SMPX: variants seen among roughly 807,000 people sequenced by gnomAD.
The protein encoded by SMPX is small muscular protein.
Under a neutral mutation model 6.3 loss-of-function variants are expected in SMPX, and 2 were observed. The ratio of observed to expected loss-of-function variants is 0.32; its 90% CI spans 0.13 to 0.99. The LOEUF (loss-of-function observed/expected upper bound fraction) is 0.99. Among genes scored for constraint, SMPX ranks in the 50% least tolerant of loss-of-function variants. The probability of loss-of-function intolerance (pLI) is 0.49; values close to 1 mark genes in which losing one functional copy is unlikely to be tolerated. For missense variants in SMPX, 60 were observed against 66.8 expected (o/e 0.90, Z 0.36); for synonymous variants, 32 against 24.7 (o/e 1.30, Z -0.88).
At chrX:21,725,789 A>G (rs1460152802) in intron 4 of SMPX, among the ~76,000 whole-genome samples, 1 of 112,329 alleles carries the variant, frequency 8.9e-6, no homozygotes, top group Non-Finnish European at 1.9e-5. Context: ...AAGTGCTTCA[A>G]TGAGCTCATA....
chrX:21,746,638 A>G (rs1485082237), intron 2 of SMPX, among the ~76,000 whole-genome samples: 1 of 96,156 alleles, frequency 1.0e-5, no homozygotes, highest in African/African-American at 3.6e-5. Context: ...GAAATCAGAA[A>G]AACTTAAATG....
At chrX:21,718,063 G>T (rs2092787243) in intron 4 of SMPX, among the ~76,000 whole-genome samples, 1 of 112,058 alleles carries the variant, frequency 8.9e-6, no homozygotes, top group Admixed American at 9.4e-5. Flanking sequence ...AGGATATGCA[G>T]CAGGGCAGTG....
intron 4 of SMPX, among the ~76,000 whole-genome samples, chrX:21,715,327 C>T (rs919787709): frequency 3.7e-5 from 4 of 109,288 alleles, no homozygotes; most frequent in African/African-American, 1.0e-4. Flanking sequence ...CGCGCTCGCG[C>T]GCTGGTGGGG....
chrX:21,743,875 T>A, intron 2 of SMPX, 39 bp from the exon 3 acceptor site: 1 of 1,002,083 alleles, frequency 1.0e-6, no homozygotes, highest in South Asian at 1.9e-5. Flanking sequence ...TCAAAAAAAG[T>A]AAGAAATTGC....
intron 2 of SMPX, among the ~76,000 whole-genome samples, chrX:21,746,278 CTGA>C (rs2092821305): frequency 8.9e-6 from 1 of 111,914 alleles, no homozygotes; most frequent in Admixed American, 9.5e-5. Flanking sequence ...CTTCATTTTA[CTGA>C]TGAAGAAATG....
chrX:21,722,703 A>G (rs1160467252), intron 4 of SMPX, among the ~76,000 whole-genome samples: 1 of 111,081 alleles, frequency 9.0e-6, no homozygotes. Context: ...TTTCACCGCC[A>G]TGGACCTGTC....
intron 4 of SMPX, among the ~76,000 whole-genome samples, chrX:21,730,241 T>C (rs1013423818): frequency 9.0e-5 from 10 of 111,449 alleles, no homozygotes; most frequent in African/African-American, 3.3e-4. Flanking sequence ...TAGTTCTATG[T>C]GAAACAATAA....
At chrX:21,711,933 G>A (rs368553831) in intron 4 of SMPX, among the ~76,000 whole-genome samples, 2 of 111,770 alleles carry the variant, frequency 1.8e-5, no homozygotes, top group African/African-American at 3.3e-5. Context: ...TAAGACAAAC[G>A]CCTGGCATTT....
intron 3 of SMPX, among the ~76,000 whole-genome samples, chrX:21,739,080 C>T (rs1451003929): frequency 9.0e-6 from 1 of 110,661 alleles, no homozygotes. Flanking sequence ...AGGGTGGGCC[C>T]TATGCCCTAT....
At chrX:21,727,462 G>T (rs1048541438) in intron 4 of SMPX, 2 of 111,936 alleles carry the variant, frequency 1.8e-5, no homozygotes, top group African/African-American at 6.5e-5. Flanking sequence ...CTATTACATC[G>T]GTGACAGGTG....
intron 4 of SMPX, among the ~76,000 whole-genome samples, chrX:21,729,622 T>A (rs2092801136): frequency 1.8e-5 from 2 of 111,654 alleles, no homozygotes; most frequent in African/African-American, 6.5e-5. Flanking sequence ...CCCATGGAGA[T>A]GTGTGTGCCA....
intron 4 of SMPX, among the ~76,000 whole-genome samples, chrX:21,731,508 TTA>T (rs1463215963): frequency 1.2e-5 from 1 of 81,205 alleles, no homozygotes; most frequent in Non-Finnish European, 2.4e-5. Context: ...CACATACACA[TTA>T]TGTGTGTATG....
intron 4 of SMPX, among the ~76,000 whole-genome samples, chrX:21,714,745 A>G (rs190491088): frequency 1.8e-3 from 206 of 112,563 alleles, no homozygotes; most frequent in African/African-American, 6.3e-3. Flanking sequence ...GTTTTCTTGA[A>G]CATTCCTTTG....
At chrX:21,735,226 G>A (rs1045973842) in intron 4 of SMPX, among the ~76,000 whole-genome samples, 13 of 111,836 alleles carry the variant, frequency 1.2e-4, no homozygotes, top group Admixed American at 4.8e-4. Flanking sequence ...CTGAAGTCTC[G>A]AAATTTCAAA....
intron 4 of SMPX, among the ~76,000 whole-genome samples, chrX:21,734,759 G>A (rs2092808785): frequency 9.0e-6 from 1 of 111,176 alleles, no homozygotes; most frequent in African/African-American, 3.3e-5. Flanking sequence ...GGTGCCCAAC[G>A]GGGTAGTCAC....
intron 4 of SMPX, among the ~76,000 whole-genome samples, chrX:21,724,885 A>G (rs1038014317): frequency 1.2e-4 from 14 of 112,359 alleles, no homozygotes; most frequent in African/African-American, 4.5e-4. Flanking sequence ...TGGACATGGA[A>G]GGATTTCGGA....
chrX:21,750,494 G>A (rs2092826302), intron 2 of SMPX, among the ~76,000 whole-genome samples: 1 of 111,983 alleles, frequency 8.9e-6, no homozygotes, highest in Non-Finnish European at 1.9e-5. Context: ...CAGACCAAAC[G>A]ACACGCAAAG....
At chrX:21,714,789 C>T (rs1243415427) in intron 4 of SMPX, among the ~76,000 whole-genome samples, 1 of 112,593 alleles carries the variant, frequency 8.9e-6, no homozygotes, top group Non-Finnish European at 1.9e-5. Flanking sequence ...TCTTAGGCTT[C>T]TCTACCAATT....
intron 4 of SMPX, among the ~76,000 whole-genome samples, chrX:21,731,288 A>G (rs1374774516): frequency 2.8e-5 from 3 of 106,434 alleles, no homozygotes; most frequent in Admixed American, 2.0e-4. Flanking sequence ...ATGGCCTAAC[A>G]TATGCTCTGT....
Sources: allele counts gnomAD v4.1 joint callset (sites outside exome capture counted in the v4.1 genomes callset), GRCh38; gene constraint gnomAD v4.1.1; transcripts MANE v1.5; gene names NCBI Gene and HGNC (gene_info 2026-07-23, HGNC 2026-07-21).